The following HDAC8 variants were observed in gnomAD, a reference collection of about 807,000 sequenced individuals.
HDAC8 encodes histone deacetylase 8.
A neutral mutation model predicts 32.2 loss-of-function variants in HDAC8; 1 was observed. The ratio of observed to expected loss-of-function variants is 0.03; its 90% CI spans 0.01 to 0.15. The LOEUF is 0.15. HDAC8 is among the 10% of genes least tolerant of loss of function. The pLI is 1.00. For synonymous variants in HDAC8, 108 were observed against 113.9 expected (o/e 0.95, Z 0.33); for missense variants, 117 against 300.0 (o/e 0.39, Z 4.51).
At chrX:72,419,638 C>T (rs1038576317) in intron 9 of HDAC8, among the ~76,000 whole-genome samples, 5 of 111,515 alleles carry the variant, frequency 4.5e-5, no homozygotes, top group Non-Finnish European at 9.5e-5. Flanking sequence ...ATAGACCTTC[C>T]AGTACAACAT....
chrX:72,454,748 G>A (rs945347899), intron 9 of HDAC8, among the ~76,000 whole-genome samples: 3 of 112,292 alleles, frequency 2.7e-5, no homozygotes, highest in Non-Finnish European at 5.6e-5. Context: ...GCATGTTATA[G>A]GTAAGTTATT....
chrX:72,539,950 C>T (rs1161120183), intron 4 of HDAC8, among the ~76,000 whole-genome samples: 4 of 112,235 alleles, frequency 3.6e-5, no homozygotes, highest in Non-Finnish European at 7.5e-5. Context: ...GCTAATGATT[C>T]CCGTGGGGTC....
chrX:72,438,014 A>C (rs1056329283), intron 9 of HDAC8, among the ~76,000 whole-genome samples: 4 of 112,042 alleles, frequency 3.6e-5, no homozygotes, highest in Non-Finnish European at 7.5e-5. Flanking sequence ...CTGCCTCCTC[A>C]AGTGGGTCCC....
At chrX:72,503,803 G>A (rs922779806) in intron 4 of HDAC8, among the ~76,000 whole-genome samples, 15 of 111,867 alleles carry the variant, frequency 1.3e-4, no homozygotes, top group Non-Finnish European at 2.6e-4. Context: ...CACTTTTAAG[G>A]AACTAAGGCT....
chrX:72,463,040 G>T (rs1180716244), intron 8 of HDAC8, among the ~76,000 whole-genome samples: 1 of 111,554 alleles, frequency 9.0e-6, no homozygotes, highest in Non-Finnish European at 1.9e-5. Flanking sequence ...TATTTGAAAG[G>T]TCACGGATGC....
chrX:72,568,157 G>C, intron 3 of HDAC8, 127 bp from the exon 4 acceptor site: 1 of 524,428 alleles, frequency 1.9e-6, no homozygotes. Context: ...AACTGAGACA[G>C]AAACAACTCC....
intron 7 of HDAC8, among the ~76,000 whole-genome samples, chrX:72,477,145 C>T (rs1298958331): frequency 6.3e-5 from 7 of 111,708 alleles, no homozygotes; most frequent in Admixed American, 1.9e-4. Context: ...AGCTATTTGG[C>T]CTTTGCAGAC....
At chrX:72,470,427 C>T (rs1216322050) in intron 7 of HDAC8, among the ~76,000 whole-genome samples, 9 of 111,308 alleles carry the variant, frequency 8.1e-5, no homozygotes, top group East Asian at 2.8e-4. Context: ...TTCTACCTTT[C>T]CAGCTTAATT....
At chrX:72,572,395 T>C (rs912931241) in intron 1 of HDAC8, 13 of 414,396 alleles carry the variant, frequency 3.1e-5, no homozygotes, top group Non-Finnish European at 4.5e-5. Context: ...GAGTGGAAAC[T>C]GCGTCCTCTC....
intron 4 of HDAC8, among the ~76,000 whole-genome samples, chrX:72,521,530 G>A (rs781959597): frequency 7.2e-5 from 8 of 110,797 alleles, no homozygotes; most frequent in Admixed American, 4.8e-4. Flanking sequence ...CTGGAGCAGG[G>A]ATAGTTCAGA....
chrX:72,355,713 A>G (rs1555950543), intron 9 of HDAC8, among the ~76,000 whole-genome samples: 1 of 112,039 alleles, frequency 8.9e-6, no homozygotes, highest in Non-Finnish European at 1.9e-5. Context: ...TTACTCACAC[A>G]GTGAAAGCGG....
chrX:72,504,481 C>G (rs1556017862), intron 4 of HDAC8, among the ~76,000 whole-genome samples: 1 of 111,426 alleles, frequency 9.0e-6, no homozygotes, highest in Admixed American at 9.6e-5. Flanking sequence ...TGAGGTTCAT[C>G]CATGTTGTAG....
chrX:72,491,010 AC>A lies in HDAC8; in HGVS notation c.551-5del. Reference sequence around the variant, plus strand: ...AAACTGAATGCGTCTTCTACACCTAACAGATAAAGAAACATCAAAAGAATCA... The same window carrying A: ...AAACTGAATGCGTCTTCTACACCTAAAGATAAAGAAACATCAAAAGAATCA... On this transcript the variant is annotated splice_region_variant and splice_polypyrimidine_tract_variant and intron_variant, in intron 5 of 10. Coordinates refer to ENST00000373573, the MANE Select transcript of HDAC8 (RefSeq NM_018486.3). 1.7e-6 allele frequency: 2 copies of A among 1,156,204 alleles called. No homozygotes were observed. Among genetic ancestry groups the A allele is most frequent in the Non-Finnish European group, 2.4e-6 (2 of 846,121 alleles).
At chrX:72,474,379 T>C (rs2048270612) in intron 7 of HDAC8, 7 of 868,751 alleles carry the variant, frequency 8.1e-6, no homozygotes, top group Non-Finnish European at 5.6e-6. Context: ...ATTCAATAAA[T>C]AGTCATTAAA....
At chrX:72,447,276 G>A (rs148662796) in intron 9 of HDAC8, among the ~76,000 whole-genome samples, 6 of 112,171 alleles carry the variant, frequency 5.3e-5, no homozygotes, top group African/African-American at 1.6e-4. Context: ...TGCAACGCTG[G>A]TTCAGCATAG....
At chrX:72,424,068 G>T (rs1363494843) in intron 9 of HDAC8, among the ~76,000 whole-genome samples, 1 of 111,903 alleles carries the variant, frequency 8.9e-6, no homozygotes. Context: ...TTGCTTGGTA[G>T]CTTGGCTGGG....
chrX:72,418,700 T>C (rs1310646946), intron 9 of HDAC8, among the ~76,000 whole-genome samples: 1 of 111,855 alleles, frequency 8.9e-6, no homozygotes, highest in Non-Finnish European at 1.9e-5. Flanking sequence ...CTCAAAGGAA[T>C]AGAAATCATT....
intron 4 of HDAC8, among the ~76,000 whole-genome samples, chrX:72,513,039 C>T (rs1357887186): frequency 5.4e-5 from 6 of 111,770 alleles, no homozygotes; most frequent in African/African-American, 2.0e-4. Context: ...GAATGACTTC[C>T]ATCTCCTCTG....
intron 9 of HDAC8, among the ~76,000 whole-genome samples, chrX:72,361,532 C>T (rs185718403): frequency 9.0e-6 from 1 of 110,876 alleles, no homozygotes; most frequent in Admixed American, 9.7e-5. Context: ...ATTTCATTAG[C>T]TAAAGTACTT....
Sources: gnomAD v4.1 joint callset for allele counts (sites outside exome capture counted in the v4.1 genomes callset) on GRCh38, gnomAD v4.1.1 for gene constraint, MANE v1.5 for transcripts, NCBI Gene and HGNC (gene_info 2026-07-23, HGNC 2026-07-21) for gene names.